The following SH3TC2 variants were observed in gnomAD, a reference collection of about 807,000 sequenced individuals.
The protein encoded by SH3TC2 is SH3 domain and tetratricopeptide repeats 2.
A neutral mutation model predicts 124.5 loss-of-function variants in SH3TC2; 87 were observed. The ratio of observed to expected loss-of-function variants is 0.70; its 90% confidence interval spans 0.59 to 0.84. SH3TC2 has a LOEUF of 0.84. Ranked by LOEUF, SH3TC2 falls within the 40% of genes least tolerant of loss-of-function variation. The probability of loss-of-function intolerance (pLI) is 0.00; values close to 1 mark genes in which losing one functional copy is unlikely to be tolerated. For missense variants in SH3TC2, 1,536 were observed against 1,566.4 expected (o/e 0.98, Z 0.33); for synonymous variants, 634 against 628.5 (o/e 1.01, Z -0.13).
chr5:149,021,342 A>C (rs950262414), intron 12 of SH3TC2, among the ~76,000 whole-genome samples: 3 of 152,140 alleles, frequency 2.0e-5, no homozygotes, highest in Non-Finnish European at 4.4e-5. Flanking sequence ...AAAAAATCTC[A>C]AATCAATACC....
At chr5:149,042,895 C>T (rs1053276402) in intron 4 of SH3TC2, 58 bp from the exon 5 acceptor site, 80 of 1,605,710 alleles carry the variant, frequency 5.0e-5, no homozygotes, top group Admixed American at 2.3e-4. Context: ...TAGCTGAGCA[C>T]AGAAGAGAGT....
chr5:149,057,982 A>G lies in SH3TC2; in HGVS notation c.52+4989T>C, dbSNP rs114307211. On this transcript the variant is annotated intron_variant, in intron 1 of 16. Coordinates refer to ENST00000515425, the MANE Select transcript of SH3TC2 (RefSeq NM_024577.4). The stretch of plus-strand genomic sequence containing the variant: ...CTTAGTGATTTCTTTTCACTGGACT[A>G]GAAGCTATGAATATGACAGCCTGGA... Among the ~76,000 whole-genome samples, 630 of 152,348 alleles carry G rather than the reference A, an allele frequency of 4.1e-3. 6 individuals are homozygous for G. Among genetic ancestry groups the G allele is most frequent in the African/African-American group, 0.014 (600 of 41,582 alleles).
At chr5:149,033,916 A>G (rs1391000796) in intron 8 of SH3TC2, among the ~76,000 whole-genome samples, 1 of 152,240 alleles carries the variant, frequency 6.6e-6, no homozygotes, top group Non-Finnish European at 1.5e-5. Flanking sequence ...TCCAGGATCC[A>G]TATAAAACCC....
At chr5:149,035,024 C>A (rs1754259103) in intron 8 of SH3TC2, among the ~76,000 whole-genome samples, 1 of 152,046 alleles carries the variant, frequency 6.6e-6, no homozygotes, top group Non-Finnish European at 1.5e-5. Flanking sequence ...CTGAAAATAG[C>A]TACTAAAATA....
At position 148,998,909 on chromosome 5, in the gene SH3TC2, ACCG is replaced by A. The variant is rs894278801; in HGVS notation, c.*5799_*5801del. The stretch of plus-strand genomic sequence containing the variant: ...TATGCTGTCCCACCGAAGAGGGAAG[ACCG>A]CCAAGTGAGAGGCCCAGTAGCAAAG... On this transcript the variant is annotated 3_prime_UTR_variant, in exon 17 of 17. Transcript: ENST00000515425. Among the ~76,000 whole-genome samples, 12 of 152,132 alleles carry A rather than the reference ACCG, an allele frequency of 7.9e-5. No homozygotes were observed. The highest frequency in any genetic ancestry group is 2.6e-4 in the Admixed American group (4 of 15,272).
intron 12 of SH3TC2, among the ~76,000 whole-genome samples, chr5:149,017,220 C>T (rs373902337): frequency 2.0e-5 from 3 of 152,074 alleles, no homozygotes; most frequent in African/African-American, 7.2e-5. Flanking sequence ...AGTAAATGCT[C>T]GGTAAATATT....
intron 12 of SH3TC2, among the ~76,000 whole-genome samples, chr5:149,013,117 G>A (rs1301221823): frequency 6.6e-6 from 1 of 152,058 alleles, no homozygotes; most frequent in African/African-American, 2.4e-5. Flanking sequence ...CCCTTTTACT[G>A]CTCTATAACC....
chr5:149,006,523 A>G (rs149545835), intron 16 of SH3TC2, among the ~76,000 whole-genome samples: 276 of 152,278 alleles, frequency 1.8e-3, no homozygotes, highest in Admixed American at 3.1e-3. Flanking sequence ...TAGACCTTAT[A>G]GTTCTTTTGT....
chr5:149,033,534 C>T (rs1169167417), intron 8 of SH3TC2, among the ~76,000 whole-genome samples: 1 of 152,200 alleles, frequency 6.6e-6, no homozygotes, highest in Non-Finnish European at 1.5e-5. Flanking sequence ...TCAGCTGGGA[C>T]TCTGGCCTTC....
At position 149,027,668 on chromosome 5, in the gene SH3TC2, A is replaced by C. The variant is rs1323026854; in HGVS notation, c.2064T>G (p.Leu688=). ...FLYDKKYLPH[L]AVASVQQHGI... is the part of the protein sequence containing the mutation. The stretch of plus-strand genomic sequence containing the variant: ...CATGTTGCTGGACAGAGGCCACTGC[A>C]AGGTGTGGAAGATATTTCTTGTCAT... Residue 688 remains leucine, a synonymous_variant, in exon 11 of 17, where the codon CTT becomes CTG. Coordinates refer to ENST00000515425, the MANE Select transcript of SH3TC2 (RefSeq NM_024577.4). The C allele has an allele frequency of 6.2e-7, 1 of 1,614,232 alleles. No individual in the cohort carries two copies. The highest frequency in any genetic ancestry group is 8.5e-7 in the Non-Finnish European group (1 of 1,180,028).
At position 149,004,609 on chromosome 5, in the gene SH3TC2, G is replaced by C. The variant is rs1753652682; in HGVS notation, c.*102C>G. 8.1e-7 allele frequency: 1 copy of C among 1,239,976 alleles called. No homozygotes were observed. 76.8% of individuals were successfully genotyped at this position (1,239,976 alleles called of 1,614,324 possible). A position where few individuals can be genotyped will look rare whatever the true frequency, so the allele number is the denominator to read the frequency against. On this transcript the variant is annotated 3_prime_UTR_variant, in exon 17 of 17. Coordinates refer to ENST00000515425, the MANE Select transcript of SH3TC2 (RefSeq NM_024577.4). ...TTCTTCTTGTGAAATGAGGGGGCTA[G>C]GCCAGGTAAGGACTCGGACCCTCCC...
rs762777717 is a variant in SH3TC2 at position 149,026,879 on chromosome 5, T to C, written c.2853A>G (p.Leu951=). 3.7e-6 allele frequency: 6 copies of C among 1,614,194 alleles called. No individual in the cohort carries two copies. The Admixed American group carries it at 1.0e-4, about 27-fold the overall frequency. ...LCYEMALLFG[L]RHRHLKSQLQ... The stretch of plus-strand genomic sequence containing the variant: ...ACTTACTCTTTAGATGTCGATGCCT[T>C]AAGCCAAACAGCAATGCCATTTCAT... The change falls in exon 11 of 17, where the codon TTA becomes TTG. Residue 951 remains leucine, a synonymous_variant. Coordinates refer to ENST00000515425, the MANE Select transcript of SH3TC2 (RefSeq NM_024577.4).
chr5:149,056,082 A>C (rs748882784), intron 1 of SH3TC2, among the ~76,000 whole-genome samples: 17 of 152,124 alleles, frequency 1.1e-4, no homozygotes, highest in Non-Finnish European at 1.8e-4. Flanking sequence ...AATCCTCTTA[A>C]AGCCTTTACT....
chr5:149,034,721 CA>C (rs1381968310), intron 8 of SH3TC2, among the ~76,000 whole-genome samples: 2 of 151,528 alleles, frequency 1.3e-5, no homozygotes, highest in African/African-American at 4.9e-5. Flanking sequence ...AGAAAGTAGA[CA>C]AAAATAATCA....
intron 12 of SH3TC2, among the ~76,000 whole-genome samples, chr5:149,015,105 G>A (rs979303099): frequency 3.3e-5 from 5 of 152,130 alleles, no homozygotes; most frequent in Admixed American, 6.5e-5. Flanking sequence ...TGGAAGAGAG[G>A]AGATCTCTAT....
intron 1 of SH3TC2, among the ~76,000 whole-genome samples, chr5:149,059,759 C>A (rs1460390852): frequency 6.6e-6 from 1 of 151,842 alleles, no homozygotes; most frequent in African/African-American, 2.4e-5. Context: ...AGCACATAAC[C>A]ATTGAATTCA....
intron 8 of SH3TC2, among the ~76,000 whole-genome samples, chr5:149,036,660 G>A (rs1351795474): frequency 6.6e-6 from 1 of 152,112 alleles, no homozygotes; most frequent in African/African-American, 2.4e-5. Flanking sequence ...TTCATCCCTG[G>A]GGTCCTCTGT....
intron 1 of SH3TC2, chr5:149,057,662 C>T (rs1425087744): frequency 6.6e-6 from 1 of 152,224 alleles, no homozygotes; most frequent in Admixed American, 6.5e-5. Context: ...AGCAAGCTCT[C>T]TATTTTTCAA....
intron 14 of SH3TC2, 99 bp from the exon 15 acceptor site, chr5:149,009,100 G>T: frequency 6.9e-7 from 1 of 1,447,944 alleles, no homozygotes; most frequent in Non-Finnish European, 9.7e-7. Context: ...TTGGGGAACG[G>T]CAGTGGACTA....
Sources: gnomAD v4.1 joint callset for allele counts (sites outside exome capture counted in the v4.1 genomes callset) on GRCh38, gnomAD v4.1.1 for gene constraint, MANE v1.5 for transcripts, NCBI Gene and HGNC (gene_info 2026-07-23, HGNC 2026-07-21) for gene names.